The following PDCD10 variants were observed in gnomAD, a reference collection of about 807,000 sequenced individuals.
PDCD10 encodes programmed cell death protein 10.
In PDCD10, 4 loss-of-function variants were observed where a neutral mutation model predicts 29.2. The ratio of observed to expected loss-of-function variants is 0.14; its 90% CI spans 0.07 to 0.31. The LOEUF is 0.31. Ranked by LOEUF, PDCD10 falls within the 10% of genes least tolerant of loss-of-function variation. The pLI is 1.00. For missense variants in PDCD10, 183 were observed against 257.9 expected (o/e 0.71, Z 1.99); for synonymous variants, 70 against 82.2 (o/e 0.85, Z 0.80).
Position 167,727,053 on chromosome 3 carries a change from A to G in PDCD10, c.-116-6780T>C, listed in dbSNP as rs540195851. Reference sequence around the variant, plus strand: ...TAAAACTTTTTGCCAAACCAATGTTAAAATTACTTTTCTAAATGTACATAG... The same window carrying G: ...TAAAACTTTTTGCCAAACCAATGTTGAAATTACTTTTCTAAATGTACATAG... On this transcript the variant is annotated intron_variant, in intron 2 of 8. Coordinates refer to ENST00000392750, the MANE Select transcript of PDCD10 (RefSeq NM_007217.4). 3.3e-5 allele frequency among the ~76,000 whole-genome samples: 5 copies of G among 152,356 alleles called. No homozygotes were observed. In the South Asian group the frequency reaches 1.0e-3, roughly 32 times the overall value.
intron 2 of PDCD10, among the ~76,000 whole-genome samples, chr3:167,722,603 G>A (rs920430632): frequency 1.3e-5 from 2 of 152,180 alleles, no homozygotes; most frequent in Non-Finnish European, 2.9e-5. Context: ...AGAAATCCCT[G>A]CAGGGGCTAA....
At position 167,727,101 on chromosome 3, in the gene PDCD10, T is replaced by C. The variant is rs1408437354; in HGVS notation, c.-116-6828A>G. 2.6e-5 allele frequency among the ~76,000 whole-genome samples: 4 copies of C among 152,154 alleles called. No individual in the cohort carries two copies. The East Asian group carries it at 5.8e-4, about 22-fold the overall frequency. On this transcript the variant is annotated intron_variant, in intron 2 of 8. Coordinates refer to ENST00000392750, the MANE Select transcript of PDCD10 (RefSeq NM_007217.4). ...TAGATAAACTTAACAAAGGAAACCA[T>C]GGCCCAGAAGCAGGCTGGGTAGCAG...
intron 3 of PDCD10, among the ~76,000 whole-genome samples, chr3:167,716,677 T>C (rs991450634): frequency 1.3e-5 from 2 of 151,956 alleles, no homozygotes; most frequent in Admixed American, 6.6e-5. Context: ...AAGAGTTCCA[T>C]ATCTGCTAAT....
At chr3:167,725,876 A>G (rs1381888555) in intron 2 of PDCD10, among the ~76,000 whole-genome samples, 1 of 146,164 alleles carries the variant, frequency 6.8e-6, no homozygotes, top group Non-Finnish European at 1.5e-5. Flanking sequence ...TAAGCATTTA[A>G]AGTCTCAAAG....
intron 2 of PDCD10, among the ~76,000 whole-genome samples, chr3:167,727,472 T>A (rs180841202): frequency 2.0e-5 from 3 of 152,366 alleles, no homozygotes; most frequent in Admixed American, 6.5e-5. Context: ...AATATGTTCA[T>A]CTTTTGCCCA....
chr3:167,684,277 T>C lies in PDCD10; in HGVS notation c.*31A>G. 8.0e-7 allele frequency: 1 copy of C among 1,242,946 alleles called. No individual in the cohort carries two copies. The highest frequency in any genetic ancestry group is 1.5e-5 in the African/African-American group (1 of 67,886). The allele number at this position is 1,242,946 out of a possible 1,614,324, so 77.0% of individuals were successfully genotyped here. A position where few individuals can be genotyped will look rare whatever the true frequency, so the allele number is the denominator to read the frequency against. ...GATAAAGGCAGTTCAATACTGCCAC[T>C]GAGAAGTACATCTCTTAACATATAC... On this transcript the variant is annotated 3_prime_UTR_variant, in exon 9 of 9. Coordinates refer to ENST00000392750, the MANE Select transcript of PDCD10 (RefSeq NM_007217.4).
chr3:167,693,685 G>A (rs753876578), intron 6 of PDCD10, among the ~76,000 whole-genome samples: 2 of 152,064 alleles, frequency 1.3e-5, no homozygotes, highest in Non-Finnish European at 2.9e-5. Context: ...GCTCACTCCT[G>A]TAATCCCAAC....
In PDCD10 at chr3:167,720,201, G is replaced by C. The variant is rs775493345; in HGVS notation, c.-44C>G. On this transcript the variant is annotated 5_prime_UTR_variant, in exon 3 of 9. Coordinates refer to ENST00000392750, the MANE Select transcript of PDCD10 (RefSeq NM_007217.4). ...TGAAAAAGCAGTGCTAAAATGCAGA[G>C]GAATCTTCATTCACTGCAATATTTC... is the stretch of plus-strand genomic sequence containing the variant. 4 of 1,263,308 alleles carry C rather than the reference G, an allele frequency of 3.2e-6. No homozygotes were observed. In the South Asian group the frequency reaches 3.6e-5, roughly 11 times the overall value. The allele number at this position is 1,263,308 out of a possible 1,614,324, so 78.3% of individuals were successfully genotyped here.
At chr3:167,688,970 T>C (rs942243022) in intron 6 of PDCD10, among the ~76,000 whole-genome samples, 2 of 152,158 alleles carry the variant, frequency 1.3e-5, no homozygotes, top group African/African-American at 4.8e-5. Context: ...TGATATTTTT[T>C]AAAAAAGTAT....
rs771446333 is a variant in PDCD10, at chr3:167,720,172, C to T, written c.-15G>A. On this transcript the variant is annotated 5_prime_UTR_variant, in exon 3 of 9. Transcript: ENST00000392750. Reference sequence around the variant, plus strand: ...GTCATCCTCATTCAAAAGCCAACTACAGTTGAAAAAGCAGTGCTAAAATGC... The same window carrying T: ...GTCATCCTCATTCAAAAGCCAACTATAGTTGAAAAAGCAGTGCTAAAATGC... 4.5e-6 allele frequency: 7 copies of T among 1,563,530 alleles called. No individual in the cohort carries two copies. Among genetic ancestry groups the T allele is most frequent in the Non-Finnish European group, 5.3e-6 (6 of 1,134,488 alleles).
intron 8 of PDCD10, among the ~76,000 whole-genome samples, chr3:167,686,687 C>T (rs766141537): frequency 1.8e-4 from 28 of 152,144 alleles, no homozygotes; most frequent in Admixed American, 1.4e-3. Flanking sequence ...GTGGGACCCT[C>T]GAGCAATTTG....
chr3:167,697,658 C>T (rs1233497964), intron 4 of PDCD10, among the ~76,000 whole-genome samples: 1 of 152,156 alleles, frequency 6.6e-6, no homozygotes, highest in Non-Finnish European at 1.5e-5. Context: ...TTTTCCCACA[C>T]AATGATTTTC....
chr3:167,688,583 C>G (rs2108378669), intron 6 of PDCD10, among the ~76,000 whole-genome samples: 1 of 152,232 alleles, frequency 6.6e-6, no homozygotes, highest in Non-Finnish European at 1.5e-5. Flanking sequence ...ATTTTAACCT[C>G]ATAGCAATTT....
intron 5 of PDCD10, among the ~76,000 whole-genome samples, chr3:167,695,981 T>TA (rs11332538): frequency 3.8e-4 from 53 of 138,368 alleles, no homozygotes; most frequent in South Asian, 1.6e-3. Flanking sequence ...CATGAAATCT[T>TA]AAAAAAAAAA....
intron 8 of PDCD10, among the ~76,000 whole-genome samples, chr3:167,686,871 G>A (rs1275352778): frequency 1.3e-5 from 2 of 152,176 alleles, no homozygotes; most frequent in Non-Finnish European, 2.9e-5. Flanking sequence ...TCAAGATACT[G>A]AAATTTGAAT....
intron 4 of PDCD10, chr3:167,697,816 C>A: frequency 2.5e-6 from 1 of 398,632 alleles, no homozygotes; most frequent in Non-Finnish European, 5.0e-6. Context: ...AATTTTCTAG[C>A]CATTTCAAGA....
At chr3:167,693,527 G>A (rs1720480440) in intron 6 of PDCD10, among the ~76,000 whole-genome samples, 1 of 152,140 alleles carries the variant, frequency 6.6e-6, no homozygotes, top group Non-Finnish European at 1.5e-5. Context: ...AAAGTTATTA[G>A]AAAAACAGGA....
chr3:167,709,508 G>T (rs528874604), intron 3 of PDCD10, among the ~76,000 whole-genome samples: 72 of 152,244 alleles, frequency 4.7e-4, no homozygotes, highest in African/African-American at 1.7e-3. Context: ...AGTGTGCTGG[G>T]TTCAGCTAGC....
intron 6 of PDCD10, among the ~76,000 whole-genome samples, chr3:167,694,870 C>A (rs1720636881): frequency 6.6e-6 from 1 of 152,258 alleles, no homozygotes; most frequent in Non-Finnish European, 1.5e-5. Flanking sequence ...CCAGCAATAT[C>A]TACCTATGGT....
Sources: allele counts gnomAD v4.1 joint callset (sites outside exome capture counted in the v4.1 genomes callset), GRCh38; gene constraint gnomAD v4.1.1; transcripts MANE v1.5; gene names NCBI Gene and HGNC (gene_info 2026-07-23, HGNC 2026-07-21).